PTPRM: variants seen among roughly 807,000 people sequenced by gnomAD.
PTPRM encodes the protein protein tyrosine phosphatase receptor type M, also known as receptor-type tyrosine-protein phosphatase mu.
Under a neutral mutation model 186.7 loss-of-function variants are expected in PTPRM, and 47 were observed. The ratio of observed to expected loss-of-function variants is 0.25; its 90% CI spans 0.20 to 0.32. PTPRM has a LOEUF of 0.32. Ranked by LOEUF, PTPRM falls within the 10% of genes least tolerant of loss-of-function variation. The pLI is 1.00. For missense variants in PTPRM, 1,494 were observed against 1,865.0 expected (o/e 0.80, Z 3.66); for synonymous variants, 668 against 674.9 (o/e 0.99, Z 0.16).
Position 7,955,254 on chromosome 18 carries a change from T to C in PTPRM, c.972T>C (p.Ser324=). The C allele has an allele frequency of 6.2e-7, 1 of 1,613,942 alleles. No individual in the cohort carries two copies. The highest frequency in any genetic ancestry group is 8.5e-7 in the Non-Finnish European group (1 of 1,180,000). Residue 324 remains serine (S), a synonymous_variant, in exon 7 of 33, where the codon AGT becomes AGC. Transcript: ENST00000580170. The part of the protein sequence containing the change: ...VAREVEYCTA[S]GSWNDRQPVD... The stretch of plus-strand genomic sequence containing the variant: ...GAGAGGTGGAGTACTGCACGGCCAG[T>C]GGGAGCTGGAATGACCGGCAGCCAG...
chr18:7,747,366 G>A (rs2041017694), intron 1 of PTPRM, among the ~76,000 whole-genome samples: 1 of 152,172 alleles, frequency 6.6e-6, no homozygotes. Context: ...GCCTCCATGA[G>A]CTCCTGTTTC....
At chr18:7,580,724 C>T (rs1489612122) in intron 1 of PTPRM, among the ~76,000 whole-genome samples, 2 of 152,162 alleles carry the variant, frequency 1.3e-5, no homozygotes, top group African/African-American at 2.4e-5. Flanking sequence ...GTAAAGTCGT[C>T]TCCACTCCCA....
intron 11 of PTPRM, among the ~76,000 whole-genome samples, chr18:8,093,390 T>A (rs2090855734): frequency 6.6e-6 from 1 of 152,194 alleles, no homozygotes; most frequent in South Asian, 2.1e-4. Context: ...CATTACACGT[T>A]TCTATTCATA....
chr18:7,985,210 T>A (rs1214934665), intron 7 of PTPRM, among the ~76,000 whole-genome samples: 1 of 120,426 alleles, frequency 8.3e-6, no homozygotes, highest in East Asian at 2.3e-4. Flanking sequence ...TACATATAAT[T>A]GTATATACAC....
intron 7 of PTPRM, among the ~76,000 whole-genome samples, chr18:8,014,606 A>T (rs1221411626): frequency 6.6e-6 from 1 of 152,218 alleles, no homozygotes; most frequent in Non-Finnish European, 1.5e-5. Flanking sequence ...ATATTAGACT[A>T]AGGAATAGTG....
At chr18:8,400,973 C>T (rs1425928428) in intron 32 of PTPRM, among the ~76,000 whole-genome samples, 2 of 152,114 alleles carry the variant, frequency 1.3e-5, no homozygotes, top group Admixed American at 1.3e-4. Flanking sequence ...ACCTTGAATC[C>T]ACCCATGGTC....
chr18:7,663,980 C>T (rs939462069), intron 1 of PTPRM, among the ~76,000 whole-genome samples: 4 of 152,208 alleles, frequency 2.6e-5, no homozygotes, highest in African/African-American at 7.2e-5. Flanking sequence ...GGGCCCGCCA[C>T]CTCAACCCAC....
At chr18:8,257,351 T>A (rs1294616235) in intron 19 of PTPRM, among the ~76,000 whole-genome samples, 1 of 152,212 alleles carries the variant, frequency 6.6e-6, no homozygotes, top group Non-Finnish European at 1.5e-5. Context: ...AAGCACCTCC[T>A]GTGTCACACT....
rs561476516 is a variant in PTPRM, at chr18:7,947,119, G to A, written c.664-2062G>A. ...CTGCACTCTTAAGTCATATTCCTCA[G>A]TCTCAGGTTTATCAGTAATAAAGGT... On this transcript the variant is annotated intron_variant, in intron 5 of 32. Transcript: ENST00000580170. 70 of 412,754 alleles carry A rather than the reference G, an allele frequency of 1.7e-4. 1 individual carries two copies. The East Asian group carries it at 3.9e-3, about 23-fold the overall frequency. 25.6% of individuals were successfully genotyped at this position (412,754 alleles called of 1,614,324 possible).
At chr18:7,790,042 G>C (rs963351617) in intron 2 of PTPRM, among the ~76,000 whole-genome samples, 1 of 152,154 alleles carries the variant, frequency 6.6e-6, no homozygotes, top group East Asian at 1.9e-4. Flanking sequence ...AGATGGAGAC[G>C]TGGAATTCTT....
chr18:8,012,574 C>G (rs1286914314), intron 7 of PTPRM, among the ~76,000 whole-genome samples: 1 of 152,152 alleles, frequency 6.6e-6, no homozygotes, highest in East Asian at 1.9e-4. Context: ...CCTATGGTTC[C>G]TAGGCTACCA....
intron 2 of PTPRM, among the ~76,000 whole-genome samples, chr18:7,793,501 A>G (rs535287234): frequency 2.0e-5 from 3 of 152,214 alleles, no homozygotes; most frequent in East Asian, 3.9e-4. Flanking sequence ...TTTTTCACTT[A>G]CCTTCCTTCT....
rs150807867 is a variant in PTPRM, at chr18:8,195,987, G to A, written c.2301-48071G>A. ...TTATCTAAACTTAGGTAAAATTATC[G>A]TTACTAGTTAGTTGGTATTCCTTTC... On this transcript the variant is annotated intron_variant, in intron 14 of 32. Transcript: ENST00000580170. Among the ~76,000 whole-genome samples the A allele has an allele frequency of 6.2e-3, 947 of 152,244 alleles. 13 individuals are homozygous for A. The highest frequency in any genetic ancestry group is 0.021 in the African/African-American group (884 of 41,520).
At chr18:8,383,809 A>G (rs2095754597) in intron 29 of PTPRM, among the ~76,000 whole-genome samples, 1 of 152,248 alleles carries the variant, frequency 6.6e-6, no homozygotes, top group Admixed American at 6.5e-5. Context: ...TAGTGGTTAT[A>G]AATCCACATG....
At chr18:7,687,959 G>T (rs2039644006) in intron 1 of PTPRM, among the ~76,000 whole-genome samples, 1 of 151,920 alleles carries the variant, frequency 6.6e-6, no homozygotes, top group Non-Finnish European at 1.5e-5. Context: ...TGTATTTTTA[G>T]TAGAGACAGG....
chr18:7,905,724 A>G (rs372798419), intron 3 of PTPRM, among the ~76,000 whole-genome samples: 4 of 152,074 alleles, frequency 2.6e-5, no homozygotes, highest in Admixed American at 1.3e-4. Context: ...TCCTGTAGCT[A>G]TTGGCACAGA....
At chr18:7,921,270 T>G (rs964232587) in intron 4 of PTPRM, among the ~76,000 whole-genome samples, 1 of 152,214 alleles carries the variant, frequency 6.6e-6, no homozygotes, top group Admixed American at 6.5e-5. Flanking sequence ...TCTTTTTCCT[T>G]TTCATTTTTT....
chr18:8,337,254 C>T (rs563839494), intron 22 of PTPRM, among the ~76,000 whole-genome samples: 1 of 152,188 alleles, frequency 6.6e-6, no homozygotes, highest in South Asian at 2.1e-4. Context: ...TGGTCTCAAA[C>T]TCCTGGGCTC....
chr18:8,333,517 T>C (rs528917809), intron 22 of PTPRM, among the ~76,000 whole-genome samples: 1 of 152,348 alleles, frequency 6.6e-6, no homozygotes, highest in Admixed American at 6.5e-5. Flanking sequence ...TAAAGCTTTA[T>C]AATAAAAACT....
Sources: allele counts gnomAD v4.1 joint callset (sites outside exome capture counted in the v4.1 genomes callset), GRCh38; gene constraint gnomAD v4.1.1; transcripts MANE v1.5; gene names NCBI Gene and HGNC (gene_info 2026-07-23, HGNC 2026-07-21).